Variants in AAK1 observed in about 807,000 individuals in gnomAD.
The protein encoded by AAK1 is AP2 associated kinase 1.
A neutral mutation model predicts 116.0 loss-of-function variants in AAK1; 37 were observed. The observed-to-expected ratio is 0.32, with a 90% CI of 0.25 to 0.42. AAK1 has a LOEUF of 0.42. AAK1 is among the 10% of genes least tolerant of loss of function. AAK1 has a pLI of 1.00. For missense variants in AAK1, 919 were observed against 1,170.6 expected (o/e 0.79, Z 3.14); for synonymous variants, 458 against 439.9 (o/e 1.04, Z -0.51).
intron 12 of AAK1, among the ~76,000 whole-genome samples, chr2:69,517,537 T>TTTTTTTTTTTTTTTTTTTTTTGAG: frequency 6.6e-6 from 1 of 151,428 alleles, no homozygotes; most frequent in Non-Finnish European, 1.5e-5. Context: ...TCCCTGATCT[T>TTTTTTTTTTTTTTTTTTTTTTGAG]AATATCAGTG....
At chr2:69,620,615 T>C (rs563713351) in intron 2 of AAK1, among the ~76,000 whole-genome samples, 2 of 152,322 alleles carry the variant, frequency 1.3e-5, no homozygotes, top group East Asian at 1.9e-4. Context: ...TTATCCTACT[T>C]GACCTCTCTG....
At chr2:69,526,010 G>T (rs1216127909) in intron 9 of AAK1, among the ~76,000 whole-genome samples, 1 of 152,222 alleles carries the variant, frequency 6.6e-6, no homozygotes, top group East Asian at 1.9e-4. Context: ...TTTCCAGGTG[G>T]GGGGAGATTT....
intron 2 of AAK1, among the ~76,000 whole-genome samples, chr2:69,630,780 G>A (rs569585932): frequency 1.3e-5 from 2 of 152,306 alleles, no homozygotes; most frequent in African/African-American, 2.4e-5. Flanking sequence ...TTCCAGGGGG[G>A]AAGGGGAGGA....
intron 3 of AAK1, among the ~76,000 whole-genome samples, chr2:69,556,610 C>T (rs1669778071): frequency 6.6e-6 from 1 of 152,044 alleles, no homozygotes; most frequent in Admixed American, 6.6e-5. Context: ...TAAGCTTTTC[C>T]CAATGCCCAA....
chr2:69,476,112 C>T (rs1462202630), intron 21 of AAK1, 149 bp from the exon 22 acceptor site: 39 of 1,415,428 alleles, frequency 2.8e-5, no homozygotes, highest in Non-Finnish European at 3.6e-5. Flanking sequence ...CAATATTTTA[C>T]ATTTGCAAAC....
At chr2:69,600,073 T>C (rs1031115439) in intron 2 of AAK1, among the ~76,000 whole-genome samples, 1 of 152,048 alleles carries the variant, frequency 6.6e-6, no homozygotes, top group Non-Finnish European at 1.5e-5. Flanking sequence ...TGAGCCACTG[T>C]GTCCAGCCTC....
intron 2 of AAK1, among the ~76,000 whole-genome samples, chr2:69,580,709 T>A (rs1454375794): frequency 6.6e-6 from 1 of 152,256 alleles, no homozygotes; most frequent in Non-Finnish European, 1.5e-5. Context: ...TAACTGTTAA[T>A]GTGCCCACAG....
chr2:69,562,751 G>T (rs950763412), intron 2 of AAK1, among the ~76,000 whole-genome samples: 1 of 152,152 alleles, frequency 6.6e-6, no homozygotes, highest in African/African-American at 2.4e-5. Context: ...TTAGCCAGGC[G>T]TGGTGGTGTG....
chr2:69,578,964 C>T (rs747891523), intron 2 of AAK1, among the ~76,000 whole-genome samples: 2 of 152,060 alleles, frequency 1.3e-5, no homozygotes, highest in Non-Finnish European at 2.9e-5. Context: ...CCACCATGCC[C>T]GGCTAATTTT....
chr2:69,569,246 A>G (rs1671999156), intron 2 of AAK1, among the ~76,000 whole-genome samples: 1 of 152,226 alleles, frequency 6.6e-6, no homozygotes, highest in Non-Finnish European at 1.5e-5. Flanking sequence ...AATTTCAAAC[A>G]TACAGTAAAG....
intron 2 of AAK1, among the ~76,000 whole-genome samples, chr2:69,588,007 C>T (rs1672865982): frequency 6.6e-6 from 1 of 152,052 alleles, no homozygotes; most frequent in East Asian, 1.9e-4. Flanking sequence ...AAGCGATCCT[C>T]CTACCTCAGC....
At position 69,558,331 on chromosome 2, in the gene AAK1, C is replaced by T. The variant is rs116851936; in HGVS notation, c.164-1353G>A. Among the ~76,000 whole-genome samples the T allele has an allele frequency of 0.011, 1,430 of 131,146 alleles. 106 individuals carry two copies. In the East Asian group the frequency reaches 0.2, roughly 18 times the overall value. 86.0% of individuals were successfully genotyped at this position (131,146 alleles called of 152,430 possible). On this transcript the variant is annotated intron_variant, in intron 2 of 21. Transcript: ENST00000409085. ...TGAACTCCAGCCTGGGTGAAAGAGA[C>T]CCTGTCTCAAAAAAAAAAAAAAAAT...
chr2:69,463,025 T>C lies in AAK1; in HGVS notation c.*12844A>G, dbSNP rs1210003573. Reference sequence around the variant, plus strand: ...TATCTTTTGATCAGGACATTTGAAATAGGCAGAGACCACCAAAAAAGGACA... The same window carrying C: ...TATCTTTTGATCAGGACATTTGAAACAGGCAGAGACCACCAAAAAAGGACA... On this transcript the variant is annotated 3_prime_UTR_variant, in exon 22 of 22. Coordinates refer to ENST00000409085, the MANE Select transcript of AAK1 (RefSeq NM_014911.5). 2 of 152,194 alleles carry C rather than the reference T, an allele frequency of 1.3e-5. No homozygotes were observed. The highest frequency in any genetic ancestry group is 2.9e-5 in the Non-Finnish European group (2 of 68,034). The allele number at this position is 152,194 out of a possible 1,614,324, so 9.4% of individuals were successfully genotyped here.
intron 2 of AAK1, among the ~76,000 whole-genome samples, chr2:69,608,128 G>A (rs1673890569): frequency 6.6e-6 from 1 of 152,166 alleles, no homozygotes; most frequent in African/African-American, 2.4e-5. Flanking sequence ...ATGTGTCCTG[G>A]CAATAAATGC....
chr2:69,607,591 T>A (rs1230578598), intron 2 of AAK1, among the ~76,000 whole-genome samples: 3 of 152,190 alleles, frequency 2.0e-5, no homozygotes, highest in Admixed American at 2.0e-4. Flanking sequence ...CTATTAAACA[T>A]GGCCATCGAG....
intron 19 of AAK1, among the ~76,000 whole-genome samples, 177 bp downstream of exon 19, chr2:69,480,683 A>T (rs1675052436): frequency 6.6e-6 from 1 of 152,190 alleles, no homozygotes; most frequent in Admixed American, 6.5e-5. Context: ...TTCTTTAGCA[A>T]GGAAATATAT....
chr2:69,519,840 A>G (rs1211772742), intron 11 of AAK1, among the ~76,000 whole-genome samples: 1 of 152,216 alleles, frequency 6.6e-6, no homozygotes, highest in Non-Finnish European at 1.5e-5. Flanking sequence ...TTCTTCTGTG[A>G]ATGTCAAAAG....
In AAK1 at chr2:69,471,892, A is replaced by G; in HGVS notation, c.*3977T>C. The G allele has an allele frequency of 1.0e-6, 1 of 985,194 alleles. No individual in the cohort carries two copies. The highest frequency in any genetic ancestry group is 1.7e-5 in the African/African-American group (1 of 57,358). 61.0% of individuals were successfully genotyped at this position (985,194 alleles called of 1,614,324 possible). A position where few individuals can be genotyped will look rare whatever the true frequency, so the allele number is the denominator to read the frequency against. ...GGAAATAAGTAATCAAAACAACCAA[A>G]AGTATTAATAATAAAACAAATATTA... On this transcript the variant is annotated 3_prime_UTR_variant, in exon 22 of 22. Coordinates refer to ENST00000409085, the MANE Select transcript of AAK1 (RefSeq NM_014911.5).
Position 69,466,301 on chromosome 2 carries a change from A to T in AAK1, c.*9568T>A, listed in dbSNP as rs1674484120. ...TCTCATCTTCTTCTTCAGACTCCAT[A>T]AGGAGAGGCCGAGACCCACTGCAGT... On this transcript the variant is annotated 3_prime_UTR_variant, in exon 22 of 22. Coordinates refer to ENST00000409085, the MANE Select transcript of AAK1 (RefSeq NM_014911.5). 1.6e-6 allele frequency: 2 copies of T among 1,289,530 alleles called. No individual in the cohort carries two copies. Among genetic ancestry groups the T allele is most frequent in the Non-Finnish European group, 2.0e-6 (2 of 988,830 alleles). The allele number at this position is 1,289,530 out of a possible 1,614,324, so 79.9% of individuals were successfully genotyped here.
Sources: allele counts gnomAD v4.1 joint callset (sites outside exome capture counted in the v4.1 genomes callset), GRCh38; gene constraint gnomAD v4.1.1; transcripts MANE v1.5; gene names NCBI Gene and HGNC (gene_info 2026-07-23, HGNC 2026-07-21).